The following SYCP1 variants were observed in gnomAD, a reference collection of about 807,000 sequenced individuals.
SYCP1 encodes the protein synaptonemal complex protein 1, also known as cancer/testis antigen 8.
In SYCP1, 64 loss-of-function variants were observed where a neutral mutation model predicts 153.1. That is an observed-to-expected ratio of 0.42 (90% CI 0.34 to 0.51). The LOEUF (loss-of-function observed/expected upper bound fraction) is 0.51, where lower values mean the gene tolerates loss of function less well. SYCP1 is among the 20% of genes least tolerant of loss of function. The probability of loss-of-function intolerance (pLI) is 0.06; values close to 1 mark genes in which losing one functional copy is unlikely to be tolerated. For synonymous variants in SYCP1, 384 were observed against 341.8 expected, an observed-to-expected ratio of 1.12 and a Z score of -1.36; for missense variants, 997 against 1,049.0, an observed-to-expected ratio of 0.95 and a Z score of 0.68.
At chr1:114,984,920 T>C in intron 30 of SYCP1, 52 bp downstream of exon 30, 1 of 950,122 alleles carries the variant, frequency 1.1e-6, no homozygotes, top group Non-Finnish European at 1.4e-6. Flanking sequence ...CTTATTTGTA[T>C]ACTATTTTCC....
intron 27 of SYCP1, among the ~76,000 whole-genome samples, chr1:114,969,385 A>G (rs949798457): frequency 2.6e-5 from 4 of 152,168 alleles, no homozygotes; most frequent in African/African-American, 9.6e-5. Context: ...TGGCTTTGCC[A>G]TGCTGTGGTG....
intron 27 of SYCP1, among the ~76,000 whole-genome samples, chr1:114,963,981 C>G (rs1490233542): frequency 1.3e-5 from 2 of 152,194 alleles, no homozygotes; most frequent in Non-Finnish European, 1.5e-5. Context: ...CTAATTTACA[C>G]TCCCACCAAC....
At chr1:114,939,683 T>C (rs1670258714) in intron 23 of SYCP1, among the ~76,000 whole-genome samples, 2 of 152,312 alleles carry the variant, frequency 1.3e-5, no homozygotes, top group South Asian at 4.1e-4. Flanking sequence ...ATTATGGAAA[T>C]TATGTCTTGG....
chr1:114,975,465 G>A (rs936306531), intron 27 of SYCP1, among the ~76,000 whole-genome samples: 28 of 150,866 alleles, frequency 1.9e-4, no homozygotes, highest in African/African-American at 6.6e-4. Context: ...GTTTCATATT[G>A]CCCTACATAT....
At chr1:114,875,174 ATGTGTGTG>A (rs60673306) in intron 9 of SYCP1, among the ~76,000 whole-genome samples, 10 of 139,562 alleles carry the variant, frequency 7.2e-5, no homozygotes, top group Admixed American at 2.1e-4. Context: ...TGTATTTGAT[ATGTGTGTG>A]TGTGTGTGTG....
At chr1:114,862,792 T>G (rs1664467039) in intron 8 of SYCP1, 2 of 152,324 alleles carry the variant, frequency 1.3e-5, no homozygotes, top group South Asian at 4.1e-4. Flanking sequence ...TTTTAAAGTC[T>G]TGACACTTGC....
intron 30 of SYCP1, among the ~76,000 whole-genome samples, chr1:114,993,060 G>A (rs1166412708): frequency 1.3e-5 from 2 of 151,476 alleles, no homozygotes; most frequent in Non-Finnish European, 3.0e-5. Flanking sequence ...GAGGACAGAT[G>A]ATAAGGTTTT....
At chr1:114,984,663 C>T (rs78016663) in intron 29 of SYCP1, 62 bp from the exon 30 acceptor site, 18 of 1,215,126 alleles carry the variant, frequency 1.5e-5, no homozygotes, top group East Asian at 2.9e-5. Context: ...TTTGTGAAAC[C>T]CTTTATTAAT....
intron 28 of SYCP1, among the ~76,000 whole-genome samples, chr1:114,980,074 G>A (rs1177164062): frequency 6.6e-6 from 1 of 151,774 alleles, no homozygotes; most frequent in African/African-American, 2.4e-5. Flanking sequence ...TCCTGTAAAG[G>A]AGGGCTCTAC....
chr1:114,944,937 T>C lies in SYCP1; in HGVS notation c.2109T>C (p.Cys703=). Residue 703 remains cysteine, a synonymous_variant, in exon 25 of 32, where the codon TGT becomes TGC. Coordinates refer to ENST00000369522, the MANE Select transcript of SYCP1 (RefSeq NM_003176.4). The part of the protein sequence containing the change: ...VKLQKEIDKR[C]QHKIAEMVAL... ...TACAGAAAGAAATTGATAAGCGATG[T>C]CAACATAAAATAGCTGAAATGGTAG... 1 of 1,605,188 alleles carries C rather than the reference T, an allele frequency of 6.2e-7. No homozygotes were observed. Among genetic ancestry groups the C allele is most frequent in the Non-Finnish European group, 8.5e-7 (1 of 1,176,544 alleles).
At chr1:114,910,643 T>C in intron 17 of SYCP1, 142 bp downstream of exon 17, 1 of 512,400 alleles carries the variant, frequency 2.0e-6, no homozygotes, top group East Asian at 3.7e-5. Context: ...AATATATTTA[T>C]GATTGATTTA....
Position 114,867,183 on chromosome 1 carries a change from G to C in SYCP1, c.598+6374G>C, listed in dbSNP as rs184832997. On this transcript the variant is annotated intron_variant, in intron 8 of 31. Transcript: ENST00000369522. Reference sequence around the variant, plus strand: ...TTATAGTAAGTCTTGAATTTGAATAGTATCAGTTCTCCAACTTTGTTCTTC... The same window carrying C: ...TTATAGTAAGTCTTGAATTTGAATACTATCAGTTCTCCAACTTTGTTCTTC... 2.6e-4 allele frequency among the ~76,000 whole-genome samples: 39 copies of C among 152,150 alleles called. No homozygotes were observed. The East Asian group carries it at 6.2e-3, about 24-fold the overall frequency.
intron 27 of SYCP1, among the ~76,000 whole-genome samples, chr1:114,954,690 C>T (rs1468699635): frequency 6.6e-6 from 1 of 152,062 alleles, no homozygotes; most frequent in Non-Finnish European, 1.5e-5. Flanking sequence ...AAGAGATTCT[C>T]CTGCCTCAGC....
intron 25 of SYCP1, 39 bp downstream of exon 25, chr1:114,945,021 G>A (rs779596814): frequency 7.3e-7 from 1 of 1,361,546 alleles, no homozygotes; most frequent in Non-Finnish European, 1.0e-6. Context: ...ATTATTAATT[G>A]GAGCCATATT....
chr1:114,858,570 G>A lies in SYCP1; in HGVS notation c.315G>A (p.Val105=), dbSNP rs142545862. 5.1e-3 allele frequency: 8,189 copies of A among 1,603,704 alleles called. 32 individuals carry two copies. The highest frequency in any genetic ancestry group is 5.5e-3 in the Non-Finnish European group (6,503 of 1,175,140). The stretch of plus-strand genomic sequence containing the variant: ...AGAATTCAGAGGGATTGAGCAGAGT[G>A]TATTCAAAACTGTATAAGGAGGCTG... ...DLENSEGLSR[V]YSKLYKEAEK... Residue 105 remains valine (V), a synonymous_variant, in exon 6 of 32, where the codon GTG becomes GTA. Coordinates refer to ENST00000369522, the MANE Select transcript of SYCP1 (RefSeq NM_003176.4).
chr1:114,975,068 T>C (rs774374341), intron 27 of SYCP1, among the ~76,000 whole-genome samples: 3 of 151,926 alleles, frequency 2.0e-5, no homozygotes, highest in Non-Finnish European at 4.4e-5. Context: ...TTTGCATTTC[T>C]CATATGATTA....
chr1:114,972,180 A>G (rs577019976), intron 27 of SYCP1, among the ~76,000 whole-genome samples: 1 of 151,982 alleles, frequency 6.6e-6, no homozygotes, highest in Non-Finnish European at 1.5e-5. Flanking sequence ...ATTTATTTTT[A>G]GGTTTTAAAA....
At position 114,856,661 on chromosome 1, in the gene SYCP1, G is replaced by A. The variant is rs1472686162; in HGVS notation, c.193+4G>A. 6.2e-7 allele frequency: 1 copy of A among 1,605,218 alleles called. No homozygotes were observed. On this transcript the variant is annotated splice_donor_region_variant and intron_variant, in intron 3 of 31. Transcript: ENST00000369522. ...AATGGGGAAAACATTGATTCAGGTA[G>A]GAGCATGGAAAAGCAGTGTATCAGC...
intron 27 of SYCP1, among the ~76,000 whole-genome samples, chr1:114,975,110 G>T (rs977881850): frequency 1.3e-5 from 2 of 151,656 alleles, no homozygotes; most frequent in African/African-American, 4.8e-5. Context: ...ATGCCTGTTG[G>T]ACATTGTATA....
Sources: gnomAD v4.1 joint callset for allele counts (sites outside exome capture counted in the v4.1 genomes callset) on GRCh38, gnomAD v4.1.1 for gene constraint, MANE v1.5 for transcripts, NCBI Gene and HGNC (gene_info 2026-07-23, HGNC 2026-07-21) for gene names.